The following GLIS1 variants were observed in gnomAD, a reference collection of about 807,000 sequenced individuals.
The protein encoded by GLIS1 is zinc finger protein GLIS1.
Under a neutral mutation model 63.8 loss-of-function variants are expected in GLIS1, and 24 were observed. The observed-to-expected ratio is 0.38, with a 90% CI of 0.27 to 0.53. GLIS1 has a LOEUF of 0.53. Ranked by LOEUF, GLIS1 falls within the 20% of genes least tolerant of loss-of-function variation. The pLI, the probability that GLIS1 is intolerant of heterozygous loss-of-function variation, is 0.85. For synonymous variants in GLIS1, 450 were observed against 482.5 expected (o/e 0.93, Z 0.88); for missense variants, 1,036 against 1,074.1 (o/e 0.96, Z 0.50).
At chr1:53,672,626 G>A (rs551846667) in intron 2 of GLIS1, among the ~76,000 whole-genome samples, 2 of 152,330 alleles carry the variant, frequency 1.3e-5, no homozygotes, top group African/African-American at 4.8e-5. Context: ...ATTGACAACA[G>A]GGCTTCTCTG....
At chr1:53,687,619 A>G (rs1362689239) in intron 2 of GLIS1, among the ~76,000 whole-genome samples, 1 of 152,122 alleles carries the variant, frequency 6.6e-6, no homozygotes, top group Non-Finnish European at 1.5e-5. Context: ...CTTACATGCA[A>G]TGGGTCCCCC....
chr1:53,548,978 C>T (rs1487279639), intron 4 of GLIS1, among the ~76,000 whole-genome samples: 1 of 152,242 alleles, frequency 6.6e-6, no homozygotes, highest in East Asian at 1.9e-4. Context: ...CACTGATCTA[C>T]TTTCTATTTC....
chr1:53,653,643 C>T (rs1185345333), intron 2 of GLIS1, among the ~76,000 whole-genome samples: 1 of 152,224 alleles, frequency 6.6e-6, no homozygotes, highest in Non-Finnish European at 1.5e-5. Flanking sequence ...TTCCTGATCG[C>T]CATGTGAATT....
chr1:53,562,919 G>A (rs943546594), intron 4 of GLIS1, among the ~76,000 whole-genome samples: 2 of 152,208 alleles, frequency 1.3e-5, no homozygotes. Context: ...TTACAATGAC[G>A]TGTAGAGTAG....
At chr1:53,575,607 A>C (rs1322588996) in intron 4 of GLIS1, among the ~76,000 whole-genome samples, 41 of 152,174 alleles carry the variant, frequency 2.7e-4, no homozygotes, top group Non-Finnish European at 2.9e-5. Flanking sequence ...TTGGGTCACA[A>C]GTGGCTCTCC....
rs1215097842 is a variant in GLIS1, at chr1:53,597,519, A to T, written c.438-2529T>A. Among the ~76,000 whole-genome samples the T allele has an allele frequency of 2.0e-5, 3 of 152,070 alleles. No individual in the cohort carries two copies. In the East Asian group the frequency reaches 5.8e-4, roughly 29 times the overall value. ...CCCAAAGGAGTCACTCAGGAAACCGAGGCTTTTATTAGTATTAGAGAGTTA... is the reference window on the plus strand; with the variant it reads ...CCCAAAGGAGTCACTCAGGAAACCGTGGCTTTTATTAGTATTAGAGAGTTA... On this transcript the variant is annotated intron_variant, in intron 3 of 10. Coordinates refer to ENST00000628545, the MANE Select transcript of GLIS1 (RefSeq NM_001367484.1).
At chr1:53,640,667 C>T (rs115324380) in intron 2 of GLIS1, among the ~76,000 whole-genome samples, 649 of 152,320 alleles carry the variant, frequency 4.3e-3, no homozygotes, top group African/African-American at 0.014. Context: ...CTGTGACAAG[C>T]GCTGTCACTG....
At chr1:53,531,183 G>C (rs1461880716) in intron 4 of GLIS1, among the ~76,000 whole-genome samples, 2 of 152,212 alleles carry the variant, frequency 1.3e-5, no homozygotes, top group African/African-American at 2.4e-5. Flanking sequence ...ACCAGAGGAG[G>C]CTGGCCCCCT....
chr1:53,679,343 T>C (rs541406103), intron 2 of GLIS1, among the ~76,000 whole-genome samples: 47 of 152,262 alleles, frequency 3.1e-4, no homozygotes, highest in African/African-American at 1.1e-3. Flanking sequence ...GAAGATTGTA[T>C]TGTTGAATTT....
intron 2 of GLIS1, among the ~76,000 whole-genome samples, chr1:53,654,541 A>G (rs973863693): frequency 2.0e-5 from 3 of 152,220 alleles, no homozygotes; most frequent in Non-Finnish European, 4.4e-5. Flanking sequence ...GCGTTCTTCA[A>G]AGCCACGGCC....
At chr1:53,519,250 A>T (rs1365391582) in intron 7 of GLIS1, among the ~76,000 whole-genome samples, 4 of 152,154 alleles carry the variant, frequency 2.6e-5, no homozygotes, top group African/African-American at 9.7e-5. Flanking sequence ...AGGAGGGTGC[A>T]GACCCTCCCC....
At chr1:53,540,524 T>A (rs1644632900) in intron 4 of GLIS1, among the ~76,000 whole-genome samples, 1 of 152,084 alleles carries the variant, frequency 6.6e-6, no homozygotes, top group African/African-American at 2.4e-5. Flanking sequence ...GACATCAGGG[T>A]GTGGCCTTGG....
intron 2 of GLIS1, among the ~76,000 whole-genome samples, chr1:53,731,519 G>A (rs553674441): frequency 1.3e-5 from 2 of 152,312 alleles, no homozygotes; most frequent in Admixed American, 1.3e-4. Context: ...GGAGAGTGGT[G>A]TATTTTCAGA....
At chr1:53,676,313 G>A (rs536145333) in intron 2 of GLIS1, among the ~76,000 whole-genome samples, 3 of 152,260 alleles carry the variant, frequency 2.0e-5, no homozygotes, top group East Asian at 1.9e-4. Flanking sequence ...AGCTCTGAGC[G>A]CAATCGGCCC....
At chr1:53,625,574 T>A (rs1645586030) in intron 2 of GLIS1, among the ~76,000 whole-genome samples, 1 of 152,208 alleles carries the variant, frequency 6.6e-6, no homozygotes, top group Admixed American at 6.5e-5. Flanking sequence ...GACATTCTTG[T>A]CTCCCCATCT....
At chr1:53,630,053 T>A (rs890127848) in intron 2 of GLIS1, among the ~76,000 whole-genome samples, 2 of 152,236 alleles carry the variant, frequency 1.3e-5, no homozygotes, top group Non-Finnish European at 2.9e-5. Flanking sequence ...CAACTTTCTA[T>A]GTTATTGTGT....
chr1:53,649,137 C>A (rs1475241787), intron 2 of GLIS1, among the ~76,000 whole-genome samples: 2 of 152,084 alleles, frequency 1.3e-5, no homozygotes, highest in Non-Finnish European at 2.9e-5. Context: ...AAAGGCATGA[C>A]TTAAATGCAT....
rs1646891534 is a variant in GLIS1 at position 53,734,181 on chromosome 1, T to C, written c.259+3625A>G. 11 of 985,132 alleles carry C rather than the reference T, an allele frequency of 1.1e-5. 1 individual carries two copies. In the South Asian group the frequency reaches 5.2e-4, roughly 46 times the overall value. 61.0% of individuals were successfully genotyped at this position (985,132 alleles called of 1,614,324 possible). ...ATCAACCTCTTTTTTATTGCAAGGA[T>C]GCATCCAGTCTCAGTACACAGTGAA... On this transcript the variant is annotated intron_variant, in intron 2 of 10. Coordinates refer to ENST00000628545, the MANE Select transcript of GLIS1 (RefSeq NM_001367484.1).
intron 2 of GLIS1, among the ~76,000 whole-genome samples, chr1:53,613,066 A>G (rs1404463292): frequency 3.3e-5 from 5 of 152,116 alleles, no homozygotes; most frequent in Admixed American, 1.3e-4. Flanking sequence ...TGATCCACCC[A>G]CCTTGGCCTC....
Sources: allele counts gnomAD v4.1 joint callset (sites outside exome capture counted in the v4.1 genomes callset), GRCh38; gene constraint gnomAD v4.1.1; transcripts MANE v1.5; gene names NCBI Gene and HGNC (gene_info 2026-07-23, HGNC 2026-07-21).